Variants in NRG1 observed in about 807,000 individuals in gnomAD.
NRG1 encodes neuregulin 1.
NRG1 carries 18 observed loss-of-function variants against 63.8 expected under a neutral mutation model. The ratio of observed to expected loss-of-function variants is 0.28; its 90% CI spans 0.19 to 0.42. The LOEUF (loss-of-function observed/expected upper bound fraction) is 0.42, where lower values mean the gene tolerates loss of function less well. NRG1 is among the 10% of genes least tolerant of loss of function. The pLI, the probability that NRG1 is intolerant of heterozygous loss-of-function variation, is 1.00. For missense variants in NRG1, 762 were observed against 814.7 expected, an observed-to-expected ratio of 0.94 and a Z score of 0.79; for synonymous variants, 302 against 301.3, an observed-to-expected ratio of 1.00 and a Z score of -0.02.
At chr8:31,869,305 G>T (rs1316699840) in intron 1 of NRG1, among the ~76,000 whole-genome samples, 1 of 152,098 alleles carries the variant, frequency 6.6e-6, no homozygotes, top group African/African-American at 2.4e-5. Flanking sequence ...TTCCTACTTA[G>T]ACTCACTGCA....
intron 1 of NRG1, among the ~76,000 whole-genome samples, chr8:32,120,131 C>G (rs1276918170): frequency 6.6e-6 from 1 of 152,028 alleles, no homozygotes; most frequent in Non-Finnish European, 1.5e-5. Flanking sequence ...TTATTCCATT[C>G]TAGCAATCAA....
At chr8:32,334,695 T>C (rs1242342753) in intron 1 of NRG1, among the ~76,000 whole-genome samples, 1 of 152,210 alleles carries the variant, frequency 6.6e-6, no homozygotes, top group Non-Finnish European at 1.5e-5. Context: ...GTAGAATAGC[T>C]ATCTGGTTGG....
At position 31,904,571 on chromosome 8, in the gene NRG1, G is replaced by A. The variant is rs544342643; in HGVS notation, c.37+265140G>A. 1.5e-3 allele frequency among the ~76,000 whole-genome samples: 232 copies of A among 152,184 alleles called. 1 individual carries two copies. The highest frequency in any genetic ancestry group is 6.8e-3 in the Middle Eastern group (2 of 294). ...AAATCATTCTACCATAAAGACACAC[G>A]CATGCATATGTTCATCGCAGCAGTG... On this transcript the variant is annotated intron_variant, in intron 1 of 10. Coordinates refer to the NRG1 transcript ENST00000519301.
At chr8:32,057,610 A>G (rs1823169334) in intron 1 of NRG1, among the ~76,000 whole-genome samples, 2 of 152,132 alleles carry the variant, frequency 1.3e-5, no homozygotes, top group Non-Finnish European at 2.9e-5. Context: ...CATGTTTTGT[A>G]AACTTTTAAC....
At chr8:32,625,019 A>T (rs1252109571) in intron 5 of NRG1, among the ~76,000 whole-genome samples, 4 of 152,190 alleles carry the variant, frequency 2.6e-5, no homozygotes, top group Non-Finnish European at 5.9e-5. Flanking sequence ...GTCTTGTTCA[A>T]TTGTGAGATA....
intron 1 of NRG1, chr8:32,026,106 T>C (rs987106512): frequency 1.3e-5 from 2 of 149,612 alleles, no homozygotes; most frequent in African/African-American, 4.9e-5. Flanking sequence ...TCTCGCTCTG[T>C]CGCCCAGGCT....
At chr8:32,059,268 G>A (rs1446113967) in intron 1 of NRG1, among the ~76,000 whole-genome samples, 1 of 150,908 alleles carries the variant, frequency 6.6e-6, no homozygotes, top group Non-Finnish European at 1.5e-5. Context: ...AGTCTATTTG[G>A]TCTGCTTTCC....
rs150055901 is a variant in NRG1 at position 32,165,881 on chromosome 8, G to A, written c.38-429947G>A. 3.7e-3 allele frequency among the ~76,000 whole-genome samples: 566 copies of A among 152,224 alleles called. 2 individuals carry two copies. Among genetic ancestry groups the A allele is most frequent in the South Asian group, 0.024 (115 of 4,826 alleles). ...AAAATCAAGTATCATTCATTGCCCC[G>A]AAAGCACCTGTGAGCACATAGGTTT... On this transcript the variant is annotated intron_variant, in intron 1 of 10. Transcript: ENST00000519301.
chr8:31,831,202 A>G (rs1184458028), intron 1 of NRG1, among the ~76,000 whole-genome samples: 1 of 151,812 alleles, frequency 6.6e-6, no homozygotes, highest in Non-Finnish European at 1.5e-5. Flanking sequence ...CCTGAGTTCA[A>G]GTGATTCTCC....
intron 1 of NRG1, among the ~76,000 whole-genome samples, chr8:31,927,234 G>A (rs952364236): frequency 3.3e-5 from 5 of 152,076 alleles, no homozygotes; most frequent in Admixed American, 1.3e-4. Context: ...CCTGGAATGG[G>A]CATCATTTAG....
intron 1 of NRG1, among the ~76,000 whole-genome samples, chr8:32,415,091 T>C (rs1815674697): frequency 6.6e-6 from 1 of 152,094 alleles, no homozygotes. Flanking sequence ...TGTAGTGTAT[T>C]TCTGTGGGGG....
At position 31,892,348 on chromosome 8, in the gene NRG1, G is replaced by T. The variant is rs1034658548; in HGVS notation, c.37+252917G>T. Among the ~76,000 whole-genome samples the T allele has an allele frequency of 3.3e-5, 5 of 152,028 alleles. 1 individual carries two copies. The highest frequency in any genetic ancestry group is 6.5e-5 in the Admixed American group (1 of 15,272). ...TGTCTTGTCTTCCCTTTCAGTTTTT[G>T]TTTCATTTCTGTTTTAGTAACCTCT... On this transcript the variant is annotated intron_variant, in intron 1 of 10. Coordinates refer to the NRG1 transcript ENST00000519301.
chr8:32,238,893 G>T (rs1350662810), intron 1 of NRG1, among the ~76,000 whole-genome samples: 1 of 152,130 alleles, frequency 6.6e-6, no homozygotes, highest in Non-Finnish European at 1.5e-5. Flanking sequence ...TGCCTGAATT[G>T]AACAGGGAGA....
intron 1 of NRG1, among the ~76,000 whole-genome samples, chr8:31,998,135 A>G (rs1563664089): frequency 6.6e-6 from 1 of 151,990 alleles, no homozygotes; most frequent in Non-Finnish European, 1.5e-5. Context: ...GCATTTTCCA[A>G]AAAGGATGGC....
chr8:32,339,367 T>C (rs566174024), intron 1 of NRG1, among the ~76,000 whole-genome samples: 40 of 152,300 alleles, frequency 2.6e-4, no homozygotes, highest in African/African-American at 8.7e-4. Context: ...TATCTTGAAG[T>C]AGAGTTAATA....
chr8:32,355,094 G>A (rs1272353191), intron 1 of NRG1, among the ~76,000 whole-genome samples: 1 of 152,082 alleles, frequency 6.6e-6, no homozygotes, highest in East Asian at 1.9e-4. Flanking sequence ...AATTTATATA[G>A]TAAAACAATG....
rs941231623 is a variant in NRG1 at position 31,796,282 on chromosome 8, C to T, written c.37+156851C>T. 4.6e-5 allele frequency among the ~76,000 whole-genome samples: 7 copies of T among 151,940 alleles called. No homozygotes were observed. In the East Asian group the frequency reaches 1.3e-3, roughly 29 times the overall value. On this transcript the variant is annotated intron_variant, in intron 1 of 10. Transcript: ENST00000519301. ...TCAGTGATCTTTTTATTCTGTTTTA[C>T]TCAGGCTATTCTGTATTCAGGTAGG...
At chr8:32,538,602 C>G (rs181004811) in intron 1 of NRG1, among the ~76,000 whole-genome samples, 1 of 152,274 alleles carries the variant, frequency 6.6e-6, no homozygotes, top group Non-Finnish European at 1.5e-5. Context: ...ATAGCTAATA[C>G]AGCTGCAGAG....
chr8:32,022,410 C>T (rs901977978), intron 1 of NRG1, among the ~76,000 whole-genome samples: 2 of 152,068 alleles, frequency 1.3e-5, no homozygotes, highest in African/African-American at 4.8e-5. Flanking sequence ...CTTAAAAAAT[C>T]AGATGATTTA....
Sources: gnomAD v4.1 joint callset for allele counts (sites outside exome capture counted in the v4.1 genomes callset) on GRCh38, gnomAD v4.1.1 for gene constraint, MANE v1.5 for transcripts, NCBI Gene and HGNC (gene_info 2026-07-23, HGNC 2026-07-21) for gene names.